ZNF273: variants seen among roughly 807,000 people sequenced by gnomAD.
ZNF273 encodes the protein zinc finger protein 9.
Under a neutral mutation model 14.9 loss-of-function variants are expected in ZNF273, and 11 were observed. The ratio of observed to expected loss-of-function variants is 0.74; its 90% CI spans 0.46 to 1.22. The LOEUF (loss-of-function observed/expected upper bound fraction) is 1.22. Among genes scored for constraint, ZNF273 ranks in the 50% most tolerant of loss-of-function variants. The pLI is 0.00. For missense variants in ZNF273, 577 were observed against 660.6 expected, an observed-to-expected ratio of 0.87 and a Z score of 1.39; for synonymous variants, 199 against 223.9, an observed-to-expected ratio of 0.89 and a Z score of 0.99.
chr7:64,927,338 T>C (rs1174737023), intron 3 of ZNF273, among the ~76,000 whole-genome samples: 1 of 151,496 alleles, frequency 6.6e-6, no homozygotes, highest in African/African-American at 2.4e-5. Flanking sequence ...TCTGCCTGCC[T>C]CGGCCTCCCA....
chr7:64,889,767 A>G (rs1471814580), downstream of ZNF273: 5 of 985,596 alleles, frequency 5.1e-6, no homozygotes, highest in East Asian at 3.4e-4. This position sits in a 1 kb window ranked among gnomAD's most constrained non-coding sequence, Gnocchi z 4.2. Flanking sequence ...GGGCTCCAGG[A>G]GTCCCGAGCC....
At chr7:64,917,049 T>A in intron 1 of ZNF273, 9 of 1,282,182 alleles carry the variant, frequency 7.0e-6, no homozygotes, top group Non-Finnish European at 9.1e-6. Context: ...ACTGGGAAAA[T>A]CACAGGCTCT....
chr7:64,928,632 G>A lies in ZNF273; in HGVS notation c.1304G>A (p.Cys435Tyr). The change falls in exon 4 of 4, where the codon TGT becomes TAT. Residue 435 changes from cysteine to tyrosine, a missense_variant. Cys to Tyr is a radical substitution (Grantham distance 194). Transcript: ENST00000476120. ...GAGAAACCATACAAATGTGAAGAAT[G>A]TGGAAAAGCCTTTAGTGTATTCTCA... ...TKEKPYKCEE[C>Y]GKAFSVFSTL... is the part of the protein sequence containing the mutation. 1 of 1,613,400 alleles carries A rather than the reference G, an allele frequency of 6.2e-7. No individual in the cohort carries two copies. Among genetic ancestry groups the A allele is most frequent in the Non-Finnish European group, 8.5e-7 (1 of 1,179,702 alleles).
At chr7:64,888,277 T>C (rs993832318) in intron 1 of ZNF273, 3 of 984,492 alleles carry the variant, frequency 3.0e-6, no homozygotes, top group Non-Finnish European at 3.6e-6. Flanking sequence ...CCTGTCTCTA[T>C]GGGGGTCCTT....
At chr7:64,891,988 A>G (rs1377271600), downstream of ZNF273, among the ~76,000 whole-genome samples, 1 of 152,152 alleles carries the variant, frequency 6.6e-6, no homozygotes, top group Non-Finnish European at 1.5e-5. Context: ...AGCCCAATCC[A>G]TCCCTCACCT....
At chr7:64,881,334 G>T (rs187278572), downstream of ZNF273, among the ~76,000 whole-genome samples, 1 of 152,224 alleles carries the variant, frequency 6.6e-6, no homozygotes, top group Admixed American at 6.5e-5. Context: ...TGGCTCAAAG[G>T]CTTCCACAGG....
chr7:64,898,436 A>G (rs1023836723), upstream of ZNF273, among the ~76,000 whole-genome samples: 4 of 152,174 alleles, frequency 2.6e-5, no homozygotes, highest in Non-Finnish European at 5.9e-5. Flanking sequence ...CTGGTTTTCT[A>G]TTTTATCCTA....
In ZNF273 at chr7:64,918,186, T is replaced by TAATAAA. The variant is rs755356903; in HGVS notation, c.230-9_230-4dup. 1.3e-6 allele frequency: 2 copies of TAATAAA among 1,552,194 alleles called. No homozygotes were observed. Among genetic ancestry groups the TAATAAA allele is most frequent in the Admixed American group, 3.4e-5 (2 of 58,008 alleles). ...GAGCAAGATTCATGTTACTCATTTT[T>TAATAAA]AATAAAACAGGTATTGCTGTCTCTA... On this transcript the variant is annotated splice_polypyrimidine_tract_variant and intron_variant, in intron 2 of 3. Coordinates refer to ENST00000476120, the MANE Select transcript of ZNF273 (RefSeq NM_021148.3).
chr7:64,917,482 A>G, intron 1 of ZNF273, 99 bp from the exon 2 acceptor site: 1 of 1,518,990 alleles, frequency 6.6e-7, no homozygotes, highest in South Asian at 1.2e-5. Context: ...TATAAGTAAA[A>G]ACCAGTTCTC....
upstream of ZNF273, chr7:64,903,264 G>A: frequency 6.9e-7 from 1 of 1,448,080 alleles, no homozygotes; most frequent in South Asian, 1.1e-5. Flanking sequence ...GGGATTTGGC[G>A]GGGCCTTTGT....
intron 1 of ZNF273, among the ~76,000 whole-genome samples, chr7:64,914,596 A>G (rs994324671): frequency 1.3e-5 from 2 of 152,170 alleles, no homozygotes. Context: ...ACAGGACAGT[A>G]CAGCCCATAT....
downstream of ZNF273, among the ~76,000 whole-genome samples, chr7:64,881,944 G>A (rs1414228312): frequency 6.6e-6 from 1 of 152,196 alleles, no homozygotes; most frequent in Admixed American, 6.5e-5. Flanking sequence ...GACGGACTCT[G>A]AGACACTCTC....
downstream of ZNF273, among the ~76,000 whole-genome samples, chr7:64,893,207 G>A (rs1792141889): frequency 6.6e-6 from 1 of 151,972 alleles, no homozygotes; most frequent in South Asian, 2.1e-4. Flanking sequence ...TCTACTTTCT[G>A]TATCATTAAG....
intron 1 of ZNF273, among the ~76,000 whole-genome samples, chr7:64,909,284 G>A (rs1271778973): frequency 1.3e-5 from 2 of 151,696 alleles, no homozygotes; most frequent in African/African-American, 4.8e-5. Flanking sequence ...GAGTGCAGTG[G>A]CACGATATTG....
Position 64,903,310 on chromosome 7 carries a change from A to C in ZNF273, c.-8A>C, listed in dbSNP as rs377569490. 6.2e-7 allele frequency: 1 copy of C among 1,607,682 alleles called. No individual in the cohort carries two copies. Among genetic ancestry groups the C allele is most frequent in the South Asian group, 1.1e-5 (1 of 90,880 alleles). ...AGTCGCAGCTCCAGGTCTCGTCTTCACTGCTCTATGTCCTCTGCTCCTAGA... is the reference window on the plus strand; with the variant it reads ...AGTCGCAGCTCCAGGTCTCGTCTTCCCTGCTCTATGTCCTCTGCTCCTAGA... On this transcript the variant is annotated 5_prime_UTR_variant, in exon 1 of 4. Transcript: ENST00000476120.
chr7:64,935,986 T>G, the ZNF273 span, among the ~76,000 whole-genome samples: 3 of 152,226 alleles, frequency 2.0e-5, no homozygotes, highest in Admixed American at 6.5e-5. Flanking sequence ...ATTTTTGCTT[T>G]GCTCAATTAT....
At chr7:64,920,298 ATATATGGTGGGCCT>A (rs1204251180) in intron 3 of ZNF273, among the ~76,000 whole-genome samples, 1 of 152,062 alleles carries the variant, frequency 6.6e-6, no homozygotes, top group African/African-American at 2.4e-5. Context: ...AGTTGGGTCT[ATATATGGTGGGCCT>A]TTTATTAGGA....
At chr7:64,885,769 C>T (rs530368761) in intron 1 of ZNF273, among the ~76,000 whole-genome samples, 10 of 152,272 alleles carry the variant, frequency 6.6e-5, no homozygotes, top group African/African-American at 2.2e-4. Flanking sequence ...ATGGGTAAGG[C>T]GGTGCTGGGG....
chr7:64,879,351 C>T (rs1435171569), intron 2 of ZNF273: 4 of 152,234 alleles, frequency 2.6e-5, no homozygotes, highest in Non-Finnish European at 5.9e-5. Flanking sequence ...TGGACTCTAA[C>T]ACGGGCCCTC....
Sources: allele counts gnomAD v4.1 joint callset (sites outside exome capture counted in the v4.1 genomes callset), GRCh38; gene constraint gnomAD v4.1.1; non-coding constraint Gnocchi (gnomAD v3.1); transcripts MANE v1.5; gene names NCBI Gene and HGNC (gene_info 2026-07-23, HGNC 2026-07-21).